The following ST6GAL1 variants were observed in gnomAD, a reference collection of about 807,000 sequenced individuals.
The protein encoded by ST6GAL1 is beta-galactoside alpha-2,6-sialyltransferase 1.
In ST6GAL1, 20 loss-of-function variants were observed where a neutral mutation model predicts 38.0. The ratio of observed to expected loss-of-function variants is 0.53; its 90% CI spans 0.37 to 0.77. The LOEUF (loss-of-function observed/expected upper bound fraction) is 0.77, where lower values mean the gene tolerates loss of function less well. Ranked by LOEUF, ST6GAL1 falls within the 30% of genes least tolerant of loss-of-function variation. ST6GAL1 has a pLI of 0.00. For missense variants in ST6GAL1, 432 were observed against 496.4 expected (o/e 0.87, Z 1.23); for synonymous variants, 196 against 188.2 (o/e 1.04, Z -0.34).
At chr3:186,933,522 A>T (rs1425940538) in intron 1 of ST6GAL1, among the ~76,000 whole-genome samples, 1 of 152,210 alleles carries the variant, frequency 6.6e-6, no homozygotes, top group Non-Finnish European at 1.5e-5. Flanking sequence ...CAGGTGGGGC[A>T]TTGCTGGCCC....
At chr3:187,029,027 G>A (rs145068088) in intron 2 of ST6GAL1, among the ~76,000 whole-genome samples, 1,855 of 142,790 alleles carry the variant, frequency 0.013, 31 homozygotes, top group African/African-American at 0.044. Flanking sequence ...TGGAGGTTGC[G>A]GTGAACAGAG....
intron 5 of ST6GAL1, among the ~76,000 whole-genome samples, chr3:187,054,051 C>G (rs1312480728): frequency 6.6e-5 from 10 of 152,132 alleles, no homozygotes; most frequent in Admixed American, 2.6e-4. Context: ...ATTTTATTCT[C>G]TTTGTAGCAA....
chr3:187,045,262 GA>G (rs1453958108), intron 4 of ST6GAL1, among the ~76,000 whole-genome samples: 1 of 151,466 alleles, frequency 6.6e-6, no homozygotes, highest in Admixed American at 6.6e-5. Flanking sequence ...AGTGAGGCTA[GA>G]AGACACGAGT....
chr3:186,965,067 T>C (rs1413563593), intron 2 of ST6GAL1, among the ~76,000 whole-genome samples: 1 of 152,190 alleles, frequency 6.6e-6, no homozygotes, highest in African/African-American at 2.4e-5. Flanking sequence ...ACCTTTGGTT[T>C]AGTGGTAGAA....
At chr3:186,972,150 A>G (rs1715369066) in intron 2 of ST6GAL1, among the ~76,000 whole-genome samples, 1 of 152,190 alleles carries the variant, frequency 6.6e-6, no homozygotes, top group Non-Finnish European at 1.5e-5. Context: ...AGGCATAGAG[A>G]GGTCTCATAG....
chr3:187,028,694 G>A (rs1717630737), intron 2 of ST6GAL1, among the ~76,000 whole-genome samples: 1 of 152,066 alleles, frequency 6.6e-6, no homozygotes, highest in Admixed American at 6.6e-5. Flanking sequence ...ATTCAGACAA[G>A]GTGTACGTAT....
At chr3:186,993,051 C>T (rs1485358945) in intron 2 of ST6GAL1, among the ~76,000 whole-genome samples, 1 of 152,066 alleles carries the variant, frequency 6.6e-6, no homozygotes, top group Admixed American at 6.6e-5. Flanking sequence ...CCCATCACTC[C>T]CCTCCTCTGT....
chr3:187,024,385 G>T (rs111610407), intron 2 of ST6GAL1, among the ~76,000 whole-genome samples: 1 of 150,574 alleles, frequency 6.6e-6, no homozygotes, highest in African/African-American at 2.4e-5. Flanking sequence ...GAGCCACCGC[G>T]CCCAGCCTAA....
At chr3:187,009,136 C>CA (rs1183288896) in intron 2 of ST6GAL1, among the ~76,000 whole-genome samples, 1 of 106,538 alleles carries the variant, frequency 9.4e-6, no homozygotes, top group African/African-American at 3.6e-5. Context: ...CTTTTTCTTT[C>CA]AACTAAGATT....
intron 2 of ST6GAL1, among the ~76,000 whole-genome samples, chr3:187,010,876 T>C (rs1442659966): frequency 2.6e-5 from 4 of 152,332 alleles, no homozygotes; most frequent in Middle Eastern, 3.4e-3. Flanking sequence ...TTAACTTTTT[T>C]ACCTATTTTA....
chr3:186,993,260 G>T (rs1716238183), intron 2 of ST6GAL1, among the ~76,000 whole-genome samples: 3 of 152,242 alleles, frequency 2.0e-5, no homozygotes. Flanking sequence ...CTGAGCACAT[G>T]CTTTGATAGT....
chr3:186,951,408 G>A (rs7626682), intron 1 of ST6GAL1, among the ~76,000 whole-genome samples: 126,784 of 152,126 alleles, frequency 0.83, 52,930 homozygotes, highest in Middle Eastern at 0.91. Flanking sequence ...AGGCCATGTC[G>A]CTTCATTTTG....
At chr3:187,022,660 C>T (rs1399801474) in intron 2 of ST6GAL1, among the ~76,000 whole-genome samples, 4 of 152,140 alleles carry the variant, frequency 2.6e-5, no homozygotes, top group Non-Finnish European at 5.9e-5. Context: ...ACATTAATAT[C>T]GATTCTCTGG....
chr3:187,047,960 T>G lies in ST6GAL1; in HGVS notation c.608-3289T>G, dbSNP rs551165290. On this transcript the variant is annotated intron_variant, in intron 4 of 7. Coordinates refer to ENST00000169298, the MANE Select transcript of ST6GAL1 (RefSeq NM_173216.2). ...TCTTTTCCTTTCTTTTTTTTTTTTT[T>G]GAGACAGAGTCTTGCTCTGTTGCCC... 4.8e-5 allele frequency among the ~76,000 whole-genome samples: 7 copies of G among 144,356 alleles called. No homozygotes were observed. In the South Asian group the frequency reaches 1.5e-3, roughly 31 times the overall value. 94.7% of individuals were successfully genotyped at this position (144,356 alleles called of 152,430 possible).
At chr3:187,020,794 C>G (rs1354100417) in intron 2 of ST6GAL1, among the ~76,000 whole-genome samples, 1 of 152,166 alleles carries the variant, frequency 6.6e-6, no homozygotes, top group Non-Finnish European at 1.5e-5. Context: ...GTGAGTGGCC[C>G]TGAGGCAGTT....
chr3:186,941,631 G>C (rs532264210), intron 1 of ST6GAL1, among the ~76,000 whole-genome samples: 2 of 152,194 alleles, frequency 1.3e-5, no homozygotes, highest in East Asian at 1.9e-4. Context: ...AAACAAATAA[G>C]GAAGAACTGA....
intron 2 of ST6GAL1, among the ~76,000 whole-genome samples, chr3:187,005,345 G>A (rs575604952): frequency 1.6e-3 from 235 of 146,144 alleles, no homozygotes; most frequent in African/African-American, 5.5e-3. Flanking sequence ...GCGCGATCTC[G>A]GCTCAGTGCA....
chr3:187,074,369 GT>G (rs1719490695), intron 7 of ST6GAL1, 36 bp downstream of exon 7: 2 of 1,494,474 alleles, frequency 1.3e-6, no homozygotes, highest in African/African-American at 2.9e-5. Context: ...TTGCATGTTT[GT>G]TTCTAGAAGA....
chr3:186,938,780 T>C (rs915006543), intron 1 of ST6GAL1, among the ~76,000 whole-genome samples: 2 of 152,012 alleles, frequency 1.3e-5, no homozygotes, highest in African/African-American at 2.4e-5. Flanking sequence ...GCTTCAACTA[T>C]GACTGAAACG....
Sources: allele counts gnomAD v4.1 joint callset (sites outside exome capture counted in the v4.1 genomes callset), GRCh38; gene constraint gnomAD v4.1.1; transcripts MANE v1.5; gene names NCBI Gene and HGNC (gene_info 2026-07-23, HGNC 2026-07-21).